KCNH7: variants seen among roughly 807,000 people sequenced by gnomAD.
KCNH7 encodes the protein potassium voltage-gated channel subfamily H member 7, also known as voltage-gated inwardly rectifying potassium channel KCNH7.
In KCNH7, 49 loss-of-function variants were observed where a neutral mutation model predicts 120.8. That is an observed-to-expected ratio of 0.41 (90% CI 0.32 to 0.51). The LOEUF is 0.51. Among genes scored for constraint, KCNH7 ranks in the 20% least tolerant of loss-of-function variants. The probability of loss-of-function intolerance (pLI) is 0.38; values close to 1 mark genes in which losing one functional copy is unlikely to be tolerated. For missense variants in KCNH7, 1,097 were observed against 1,446.6 expected (o/e 0.76, Z 3.92); for synonymous variants, 547 against 516.1 (o/e 1.06, Z -0.81).
In KCNH7 at chr2:162,431,414, T is replaced by C. The variant is rs574143892; in HGVS notation, c.1954+3784A>G. On this transcript the variant is annotated intron_variant, in intron 8 of 15. Coordinates refer to ENST00000332142, the MANE Select transcript of KCNH7 (RefSeq NM_033272.4). ...GATAAAACCATATCATTTTTGAATATAGTTAGATTTAACTGGGAATATCAT... is the reference window on the plus strand; with the variant it reads ...GATAAAACCATATCATTTTTGAATACAGTTAGATTTAACTGGGAATATCAT... Among the ~76,000 whole-genome samples the C allele has an allele frequency of 2.0e-4, 30 of 152,162 alleles. 1 individual carries two copies. In the South Asian group the frequency reaches 5.6e-3, roughly 28 times the overall value.
intron 6 of KCNH7, among the ~76,000 whole-genome samples, chr2:162,448,111 T>A (rs1176205832): frequency 6.6e-6 from 1 of 152,080 alleles, no homozygotes; most frequent in Non-Finnish European, 1.5e-5. Context: ...GTGATTTTGT[T>A]ATCTGTGAAA....
At chr2:162,386,046 A>G (rs1289524452) in intron 12 of KCNH7, among the ~76,000 whole-genome samples, 1 of 151,906 alleles carries the variant, frequency 6.6e-6, no homozygotes, top group Non-Finnish European at 1.5e-5. Flanking sequence ...TTTGTCAATT[A>G]AAGTTGAATC....
intron 2 of KCNH7, among the ~76,000 whole-genome samples, chr2:162,727,783 A>T (rs1687583224): frequency 6.6e-6 from 1 of 152,188 alleles, no homozygotes. Context: ...ATTCACTATA[A>T]CAATTCATAT....
intron 2 of KCNH7, among the ~76,000 whole-genome samples, chr2:162,734,608 G>A (rs1293308777): frequency 6.6e-6 from 1 of 151,936 alleles, no homozygotes; most frequent in Admixed American, 6.6e-5. Context: ...GGCACTCCTT[G>A]CCTTAGGTAC....
Position 162,373,480 on chromosome 2 carries a change from G to A in KCNH7, c.3314C>T (p.Pro1105Leu). 1 of 1,534,970 alleles carries A rather than the reference G, an allele frequency of 6.5e-7. No individual in the cohort carries two copies. The highest frequency in any genetic ancestry group is 8.8e-7 in the Non-Finnish European group (1 of 1,139,060). Residue 1105 changes from proline to leucine, a missense_variant, in exon 15 of 16, where the codon CCT (proline) becomes CTT (leucine). This residue lies in a region of KCNH7 where 406 missense variants were observed against 410.5 expected (regional missense o/e 0.99). Coordinates refer to ENST00000332142, the MANE Select transcript of KCNH7 (RefSeq NM_033272.4). ...GGTATCCACACTTACTTGTGAGGAA[G>A]GGCTGAAACTTCGGTCAGTTTTGAT... ...ASIKTDRSFS[P>L]SSQCPEFLDL... is the part of the protein sequence containing the mutation.
At position 162,718,956 on chromosome 2, in the gene KCNH7, T is replaced by A. The variant is rs577320192; in HGVS notation, c.307+117581A>T. On this transcript the variant is annotated intron_variant, in intron 2 of 15. Coordinates refer to ENST00000332142, the MANE Select transcript of KCNH7 (RefSeq NM_033272.4). ...AGAGTCAGAGTTAAAAATTTTCAGA[T>A]GCAGAAAAGAATTTGGAAACAAAAT... 1.6e-4 allele frequency among the ~76,000 whole-genome samples: 25 copies of A among 152,098 alleles called. No homozygotes were observed. The East Asian group carries it at 4.8e-3, about 29-fold the overall frequency.
intron 2 of KCNH7, among the ~76,000 whole-genome samples, chr2:162,776,447 G>C (rs1683242170): frequency 6.6e-6 from 1 of 151,994 alleles, no homozygotes; most frequent in Non-Finnish European, 1.5e-5. Flanking sequence ...ACTGTATTTT[G>C]GGCCAAATAT....
chr2:162,416,005 C>T (rs962290725), intron 9 of KCNH7, among the ~76,000 whole-genome samples: 3 of 152,094 alleles, frequency 2.0e-5, no homozygotes, highest in African/African-American at 7.2e-5. Flanking sequence ...TGGCATTATA[C>T]TCTCCTTTGT....
At chr2:162,559,388 A>C (rs1412424475) in intron 2 of KCNH7, among the ~76,000 whole-genome samples, 1 of 152,192 alleles carries the variant, frequency 6.6e-6, no homozygotes, top group East Asian at 1.9e-4. Context: ...GCGATCAGTA[A>C]CAGCAAGATT....
intron 6 of KCNH7, among the ~76,000 whole-genome samples, chr2:162,453,569 C>T (rs747359023): frequency 3.3e-5 from 5 of 152,140 alleles, no homozygotes; most frequent in Non-Finnish European, 7.3e-5. Context: ...AACTAATTTA[C>T]ACTCCCACCA....
At chr2:162,696,498 G>A (rs954563418) in intron 2 of KCNH7, among the ~76,000 whole-genome samples, 1 of 152,016 alleles carries the variant, frequency 6.6e-6, no homozygotes, top group South Asian at 2.1e-4. Flanking sequence ...ATATGAATTG[G>A]GTAGAAATAC....
At chr2:162,561,088 A>C (rs1286391760) in intron 2 of KCNH7, among the ~76,000 whole-genome samples, 1 of 151,826 alleles carries the variant, frequency 6.6e-6, no homozygotes, top group African/African-American at 2.4e-5. Flanking sequence ...TGTTGTTTTT[A>C]CTGACTGTTG....
At chr2:162,584,901 C>A (rs1333047673) in intron 2 of KCNH7, among the ~76,000 whole-genome samples, 2 of 126,522 alleles carry the variant, frequency 1.6e-5, no homozygotes, top group Admixed American at 7.9e-5. Flanking sequence ...CAATCCCCAG[C>A]TTTTTTTTTT....
rs548844568 is a variant in KCNH7 at position 162,554,738 on chromosome 2, G to A, written c.308-17658C>T. ...TGCCCTCCTACCTCCCTTTCATAAC[G>A]ACCCTATGATTACACTGGGCCCATA... On this transcript the variant is annotated intron_variant, in intron 2 of 15. Transcript: ENST00000332142. Among the ~76,000 whole-genome samples the A allele has an allele frequency of 2.0e-5, 3 of 151,898 alleles. No individual in the cohort carries two copies. In the South Asian group the frequency reaches 6.3e-4, roughly 32 times the overall value.
Position 162,755,176 on chromosome 2 carries a change from T to TA in KCNH7, c.307+81360dup, listed in dbSNP as rs200806329. Among the ~76,000 whole-genome samples, 26 of 150,796 alleles carry TA rather than the reference T, an allele frequency of 1.7e-4. No homozygotes were observed. The South Asian group carries it at 1.9e-3, about 11-fold the overall frequency. ...GATGTTAAAACATGTACTTATTACA[T>TA]AAAAAAAAAGGCCAGGCACAGTGGC... is the stretch of plus-strand genomic sequence containing the variant. On this transcript the variant is annotated intron_variant, in intron 2 of 15. Coordinates refer to ENST00000332142, the MANE Select transcript of KCNH7 (RefSeq NM_033272.4).
intron 6 of KCNH7, among the ~76,000 whole-genome samples, chr2:162,457,797 G>A (rs138253571): frequency 6.6e-6 from 1 of 152,184 alleles, no homozygotes; most frequent in East Asian, 1.9e-4. Context: ...CAGAGAGCAC[G>A]CAGTAACAAA....
intron 9 of KCNH7, among the ~76,000 whole-genome samples, chr2:162,413,839 C>T (rs546069235): frequency 6.7e-4 from 102 of 151,394 alleles, no homozygotes; most frequent in Non-Finnish European, 1.3e-3. Flanking sequence ...AACAAACGAA[C>T]ATATTGAAAA....
intron 2 of KCNH7, among the ~76,000 whole-genome samples, chr2:162,764,456 G>T (rs927780504): frequency 1.3e-5 from 2 of 152,040 alleles, no homozygotes; most frequent in African/African-American, 4.8e-5. Flanking sequence ...GTTAAAGATG[G>T]TCAAATCTAG....
At chr2:162,450,942 A>G (rs1276197328) in intron 6 of KCNH7, among the ~76,000 whole-genome samples, 2 of 152,036 alleles carry the variant, frequency 1.3e-5, no homozygotes, top group Non-Finnish European at 2.9e-5. Flanking sequence ...ATCTCAGGGT[A>G]TAAGGATGAG....
Sources: allele counts gnomAD v4.1 joint callset (sites outside exome capture counted in the v4.1 genomes callset), GRCh38; gene constraint gnomAD v4.1.1; regional missense constraint gnomAD v4.1.1; transcripts MANE v1.5; gene names NCBI Gene and HGNC (gene_info 2026-07-23, HGNC 2026-07-21).